Variants in ANO3 observed in about 807,000 individuals in gnomAD.
ANO3 encodes anoctamin-3.
In ANO3, 99 loss-of-function variants were observed where a neutral mutation model predicts 144.8. That is an observed-to-expected ratio of 0.68 (90% confidence interval 0.58 to 0.81). The LOEUF (loss-of-function observed/expected upper bound fraction) is 0.81, where lower values mean the gene tolerates loss of function less well. ANO3 is among the 30% of genes least tolerant of loss of function. The pLI is 0.00. For missense variants in ANO3, 905 were observed against 1,202.2 expected (o/e 0.75, Z 3.66); for synonymous variants, 414 against 392.6 (o/e 1.05, Z -0.64).
At chr11:26,314,709 C>T (rs1854581345) in intron 1 of ANO3, among the ~76,000 whole-genome samples, 1 of 152,136 alleles carries the variant, frequency 6.6e-6, no homozygotes, top group African/African-American at 2.4e-5. Flanking sequence ...CTCTTTGAGA[C>T]CCCAGGGTCT....
intron 1 of ANO3, among the ~76,000 whole-genome samples, chr11:26,367,772 C>G (rs1195342297): frequency 2.0e-5 from 3 of 152,108 alleles, no homozygotes; most frequent in Non-Finnish European, 4.4e-5. Context: ...TCTTTGGCTT[C>G]TAGTGAAGCA....
intron 14 of ANO3, among the ~76,000 whole-genome samples, chr11:26,586,124 G>A (rs1477320280): frequency 2.6e-5 from 4 of 152,062 alleles, no homozygotes; most frequent in African/African-American, 9.7e-5. Flanking sequence ...GATCAACCCT[G>A]GCTGCACATT....
chr11:26,290,622 T>C (rs1049598975), intron 1 of ANO3, among the ~76,000 whole-genome samples: 2 of 152,222 alleles, frequency 1.3e-5, no homozygotes, highest in Non-Finnish European at 2.9e-5. Flanking sequence ...TTTGTTTTCA[T>C]TGGTTTCAAA....
intron 4 of ANO3, among the ~76,000 whole-genome samples, chr11:26,500,722 CT>C (rs1360451561): frequency 6.6e-6 from 1 of 151,446 alleles, no homozygotes; most frequent in African/African-American, 2.4e-5. Context: ...TGTTTGGTTT[CT>C]GAATACTTTT....
At chr11:26,447,441 C>T (rs763624041) in intron 3 of ANO3, among the ~76,000 whole-genome samples, 3 of 152,032 alleles carry the variant, frequency 2.0e-5, no homozygotes, top group African/African-American at 7.2e-5. Context: ...CAATGGAGAG[C>T]TGAGATTTCA....
intron 1 of ANO3, among the ~76,000 whole-genome samples, chr11:26,194,681 G>T (rs1851549716): frequency 6.6e-6 from 1 of 151,650 alleles, no homozygotes; most frequent in Non-Finnish European, 1.5e-5. Context: ...TGTATTTTTA[G>T]TAGAAACGAG....
chr11:26,433,582 T>A (rs1047222548), intron 1 of ANO3, among the ~76,000 whole-genome samples: 2 of 152,192 alleles, frequency 1.3e-5, no homozygotes, highest in Admixed American at 1.3e-4. Context: ...AGTGCCTAGT[T>A]TATTGAGAGT....
intron 12 of ANO3, among the ~76,000 whole-genome samples, chr11:26,552,935 A>C (rs982713715): frequency 3.0e-4 from 45 of 147,708 alleles, no homozygotes; most frequent in African/African-American, 1.1e-3. Context: ...ATACCGCACA[A>C]GATTATCCTG....
chr11:26,659,317 T>C (rs1853803975), intron 26 of ANO3, among the ~76,000 whole-genome samples: 1 of 152,002 alleles, frequency 6.6e-6, no homozygotes, highest in Admixed American at 6.6e-5. Flanking sequence ...TCATTCAACA[T>C]GTATACTTCC....
intron 1 of ANO3, among the ~76,000 whole-genome samples, chr11:26,432,897 A>T (rs7120402): frequency 0.96 from 145,587 of 152,258 alleles, 69,775 homozygotes; most frequent in East Asian, 1. Context: ...CTTTTTTGGT[A>T]CCATATGAAT....
chr11:26,562,614 T>A (rs1850336916), intron 14 of ANO3, among the ~76,000 whole-genome samples: 1 of 151,952 alleles, frequency 6.6e-6, no homozygotes, highest in South Asian at 2.1e-4. Flanking sequence ...ACAATGTGAC[T>A]GTGTGTGCAA....
chr11:26,381,360 C>A (rs988044541), intron 1 of ANO3, among the ~76,000 whole-genome samples: 7 of 152,088 alleles, frequency 4.6e-5, no homozygotes, highest in African/African-American at 1.7e-4. Context: ...TCGCTATTTC[C>A]CTTTCCTAGA....
chr11:26,539,447 A>G (rs1327455701), intron 10 of ANO3, among the ~76,000 whole-genome samples: 2 of 152,134 alleles, frequency 1.3e-5, no homozygotes, highest in Admixed American at 1.3e-4. Flanking sequence ...GATACCCTAA[A>G]TATTCTAAAG....
intron 1 of ANO3, among the ~76,000 whole-genome samples, chr11:26,241,920 AG>A (rs1426951985): frequency 2.6e-5 from 4 of 152,196 alleles, no homozygotes; most frequent in Non-Finnish European, 5.9e-5. Context: ...TCATTCTAAG[AG>A]GACAGAAGCA....
In ANO3 at chr11:26,608,907, C is replaced by T. The variant is rs547233092; in HGVS notation, c.1836+9193C>T. Among the ~76,000 whole-genome samples, 8 of 152,292 alleles carry T rather than the reference C, an allele frequency of 5.3e-5. No homozygotes were observed. The South Asian group carries it at 6.2e-4, about 12-fold the overall frequency. ...ATTAGTCCCAGTGCTGGCTGCTGCC[C>T]GTCCTTCAAAGAGCTCAAAGGGCTT... On this transcript the variant is annotated intron_variant, in intron 17 of 26. Transcript: ENST00000256737.
At chr11:26,552,401 A>G (rs1849957392) in intron 12 of ANO3, among the ~76,000 whole-genome samples, 1 of 152,102 alleles carries the variant, frequency 6.6e-6, no homozygotes, top group Non-Finnish European at 1.5e-5. Flanking sequence ...AGCTGAATCC[A>G]GACACATTTT....
At chr11:26,519,285 C>G (rs912804517) in intron 6 of ANO3, among the ~76,000 whole-genome samples, 4 of 152,152 alleles carry the variant, frequency 2.6e-5, no homozygotes, top group African/African-American at 7.2e-5. Flanking sequence ...TGTCTTCCAC[C>G]TGCCTCCTCT....
At chr11:26,209,015 C>T (rs902829052) in intron 1 of ANO3, among the ~76,000 whole-genome samples, 12 of 151,922 alleles carry the variant, frequency 7.9e-5, no homozygotes, top group Non-Finnish European at 1.5e-4. Context: ...TAAAATTATA[C>T]TTAAAGTTCT....
At chr11:26,203,391 A>G (rs955118950) in intron 1 of ANO3, among the ~76,000 whole-genome samples, 2 of 152,152 alleles carry the variant, frequency 1.3e-5, no homozygotes, top group Non-Finnish European at 2.9e-5. Context: ...GAGCAACAGG[A>G]GGAAGGCATA....
Sources: gnomAD v4.1 joint callset for allele counts (sites outside exome capture counted in the v4.1 genomes callset) on GRCh38, gnomAD v4.1.1 for gene constraint, MANE v1.5 for transcripts, NCBI Gene and HGNC (gene_info 2026-07-23, HGNC 2026-07-21) for gene names.